The following EYS variants were observed in gnomAD, a reference collection of about 807,000 sequenced individuals.
EYS encodes the protein EGF-like photoreceptor maintenance factor, also known as protein eyes shut homolog.
A neutral mutation model predicts 282.1 loss-of-function variants in EYS; 250 were observed. The ratio of observed to expected loss-of-function variants is 0.89; its 90% confidence interval spans 0.80 to 0.98. The LOEUF (loss-of-function observed/expected upper bound fraction) is 0.98. Among genes scored for constraint, EYS ranks in the 50% least tolerant of loss-of-function variants. EYS has a pLI of 0.00. For synonymous variants in EYS, 1,355 were observed against 1,282.9 expected (o/e 1.06, Z -1.20); for missense variants, 4,016 against 3,709.0 (o/e 1.08, Z -2.15).
At chr6:65,294,728 A>G (rs1402986638) in intron 12 of EYS, among the ~76,000 whole-genome samples, 3 of 151,806 alleles carry the variant, frequency 2.0e-5, no homozygotes, top group Non-Finnish European at 4.4e-5. Flanking sequence ...ATTTTATGTA[A>G]AATTACTGCT....
chr6:65,427,777 T>C (rs989259322), intron 5 of EYS, among the ~76,000 whole-genome samples: 1 of 151,948 alleles, frequency 6.6e-6, no homozygotes, highest in African/African-American at 2.4e-5. Context: ...TTTGAAATAA[T>C]CAAAATAGTA....
At chr6:65,598,145 C>G (rs752331472) in intron 2 of EYS, among the ~76,000 whole-genome samples, 10 of 148,040 alleles carry the variant, frequency 6.8e-5, no homozygotes, top group Non-Finnish European at 1.0e-4. Flanking sequence ...CAAACAAACT[C>G]TATTTTTAAG....
intron 22 of EYS, among the ~76,000 whole-genome samples, chr6:64,758,015 C>T (rs1330475078): frequency 6.6e-6 from 1 of 152,136 alleles, no homozygotes; most frequent in Admixed American, 6.6e-5. Flanking sequence ...ACCTCCTGAT[C>T]TGCCCGCCTC....
chr6:65,612,806 T>C (rs887625359), intron 2 of EYS, among the ~76,000 whole-genome samples: 1 of 151,688 alleles, frequency 6.6e-6, no homozygotes, highest in Non-Finnish European at 1.5e-5. Flanking sequence ...ATTAAGATAG[T>C]TTATATTAGT....
intron 12 of EYS, among the ~76,000 whole-genome samples, chr6:65,295,112 T>C (rs1048797406): frequency 1.2e-4 from 19 of 152,054 alleles, no homozygotes; most frequent in Middle Eastern, 3.4e-3. Context: ...GAATTGGGTC[T>C]GCTTAATAAA....
At chr6:63,779,808 T>C (rs1770165952) in intron 39 of EYS, among the ~76,000 whole-genome samples, 1 of 151,956 alleles carries the variant, frequency 6.6e-6, no homozygotes, top group Non-Finnish European at 1.5e-5. Context: ...TGCAGGTTTG[T>C]TATACTGTAT....
intron 2 of EYS, among the ~76,000 whole-genome samples, chr6:65,533,579 T>C (rs1443784282): frequency 6.6e-6 from 1 of 152,032 alleles, no homozygotes; most frequent in Non-Finnish European, 1.5e-5. Flanking sequence ...CCTAATGTGG[T>C]GGTACTGAGA....
At chr6:64,824,915 A>G (rs767066632) in intron 19 of EYS, among the ~76,000 whole-genome samples, 2 of 151,910 alleles carry the variant, frequency 1.3e-5, no homozygotes, top group Non-Finnish European at 2.9e-5. Context: ...CAAAGAGGAT[A>G]AGAATGGAAT....
chr6:64,951,330 A>G (rs924850448), intron 14 of EYS, among the ~76,000 whole-genome samples: 1 of 151,892 alleles, frequency 6.6e-6, no homozygotes, highest in African/African-American at 2.4e-5. Context: ...AAAAACAAAA[A>G]CAGCTTTAAC....
At chr6:65,704,581 G>A (rs895261579) in intron 1 of EYS, among the ~76,000 whole-genome samples, 2 of 152,124 alleles carry the variant, frequency 1.3e-5, no homozygotes, top group African/African-American at 4.8e-5. Context: ...CAAAATAATA[G>A]ACTGTTATAC....
intron 12 of EYS, among the ~76,000 whole-genome samples, chr6:65,282,165 T>C (rs1399477013): frequency 6.6e-6 from 1 of 151,890 alleles, no homozygotes; most frequent in East Asian, 1.9e-4. Flanking sequence ...TGGCACAGCA[T>C]GGTGAATATA....
intron 5 of EYS, among the ~76,000 whole-genome samples, chr6:65,411,366 T>C (rs1171144297): frequency 5.9e-5 from 9 of 152,112 alleles, no homozygotes; most frequent in African/African-American, 2.2e-4. Context: ...GTGAAATGTG[T>C]GATTTTTCAC....
chr6:64,872,611 G>A (rs140391612), intron 19 of EYS, among the ~76,000 whole-genome samples: 9 of 152,108 alleles, frequency 5.9e-5, no homozygotes, highest in Admixed American at 2.6e-4. Context: ...TGTGTTTAGA[G>A]ATGAGAAAAT....
chr6:65,061,831 GACCAAA>G (rs1403890687), intron 12 of EYS, among the ~76,000 whole-genome samples: 2 of 151,782 alleles, frequency 1.3e-5, no homozygotes, highest in African/African-American at 4.8e-5. Flanking sequence ...ATCATCCATT[GACCAAA>G]AAGCAATCCA....
At chr6:64,729,128 G>A (rs964383516) in intron 22 of EYS, 3 of 152,306 alleles carry the variant, frequency 2.0e-5, no homozygotes, top group Non-Finnish European at 4.4e-5. Flanking sequence ...GGCAACATTC[G>A]AGTGGGAAAA....
intron 31 of EYS, among the ~76,000 whole-genome samples, chr6:64,219,480 T>C (rs1357802906): frequency 6.6e-6 from 1 of 152,210 alleles, no homozygotes; most frequent in East Asian, 1.9e-4. Context: ...GATGACATTA[T>C]TTTTGTTTTT....
At chr6:64,158,117 G>C (rs1457690960) in intron 31 of EYS, among the ~76,000 whole-genome samples, 1 of 152,220 alleles carries the variant, frequency 6.6e-6, no homozygotes, top group Non-Finnish European at 1.5e-5. Flanking sequence ...TGTGAGACCT[G>C]AAATCAAAGG....
intron 22 of EYS, among the ~76,000 whole-genome samples, chr6:64,701,726 C>T (rs372498621): frequency 4.7e-4 from 71 of 151,978 alleles, no homozygotes; most frequent in Admixed American, 3.9e-4. Context: ...TGAGAAATTA[C>T]GTAATAGGTA....
intron 2 of EYS, among the ~76,000 whole-genome samples, chr6:65,549,518 T>C (rs995005403): frequency 1.2e-4 from 18 of 152,254 alleles, no homozygotes; most frequent in African/African-American, 4.1e-4. Flanking sequence ...TGTAGCTGTT[T>C]AGTTGCTATG....
Sources: gnomAD v4.1 joint callset for allele counts (sites outside exome capture counted in the v4.1 genomes callset) on GRCh38, gnomAD v4.1.1 for gene constraint, MANE v1.5 for transcripts, NCBI Gene and HGNC (gene_info 2026-07-23, HGNC 2026-07-21) for gene names.